The following COG6 variants were observed in gnomAD, a reference collection of about 807,000 sequenced individuals.
COG6 encodes the protein component of oligomeric golgi complex 6.
Under a neutral mutation model 88.8 loss-of-function variants are expected in COG6, and 74 were observed. The ratio of observed to expected loss-of-function variants is 0.83; its 90% CI spans 0.69 to 1.01. COG6 has a LOEUF of 1.01. COG6 is among the 50% of genes least tolerant of loss of function. The pLI is 0.00. For synonymous variants in COG6, 286 were observed against 278.7 expected (o/e 1.03, Z -0.26); for missense variants, 800 against 797.9 (o/e 1.00, Z -0.03).
intron 4 of COG6, among the ~76,000 whole-genome samples, chr13:39,677,143 A>G (rs1876020496): frequency 6.6e-6 from 1 of 152,200 alleles, no homozygotes; most frequent in South Asian, 2.1e-4. Context: ...GCATCTAGCA[A>G]ACTGCAAGGT....
At chr13:39,722,617 CA>C (rs67889057) in intron 15 of COG6, among the ~76,000 whole-genome samples, 48,381 of 105,758 alleles carry the variant, frequency 0.46, 8,048 homozygotes, top group Middle Eastern at 0.6. Context: ...TGTACTGGCA[CA>C]AAAAAAAAAA....
intron 14 of COG6, 39 bp from the exon 15 acceptor site, chr13:39,719,621 A>T (rs371806020): frequency 1.3e-4 from 200 of 1,571,840 alleles, no homozygotes; most frequent in Non-Finnish European, 1.7e-4. Flanking sequence ...CCTATCAGTG[A>T]TTGAGAAATA....
intron 13 of COG6, among the ~76,000 whole-genome samples, chr13:39,710,882 G>T (rs1878202443): frequency 6.6e-6 from 1 of 151,310 alleles, no homozygotes; most frequent in Non-Finnish European, 1.5e-5. Context: ...TTTGACGAAA[G>T]AAAAATTTTA....
chr13:39,699,639 TATTAA>T (rs1877466276), intron 13 of COG6, 21 bp downstream of exon 13: 1 of 1,029,252 alleles, frequency 9.7e-7, no homozygotes, highest in Non-Finnish European at 1.5e-6. Context: ...AAAATGTAAT[TATTAA>T]ATTATGTGAA....
chr13:39,681,060 A>G (rs1487824941), intron 7 of COG6, among the ~76,000 whole-genome samples: 1 of 152,228 alleles, frequency 6.6e-6, no homozygotes, highest in African/African-American at 2.4e-5. Context: ...TTGTTTGAAA[A>G]TGTTTCAATA....
At chr13:39,668,953 C>T (rs1405523246) in intron 4 of COG6, among the ~76,000 whole-genome samples, 1 of 152,084 alleles carries the variant, frequency 6.6e-6, no homozygotes, top group Non-Finnish European at 1.5e-5. Context: ...CAGTTTTACT[C>T]GTTGGTGTAT....
intron 13 of COG6, among the ~76,000 whole-genome samples, chr13:39,712,594 G>C (rs1438645568): frequency 6.6e-6 from 1 of 152,170 alleles, no homozygotes; most frequent in Non-Finnish European, 1.5e-5. Context: ...CCTGAAATAA[G>C]GAGTCTAATC....
chr13:39,705,735 A>G (rs1185065537), intron 13 of COG6, among the ~76,000 whole-genome samples: 2 of 152,102 alleles, frequency 1.3e-5, no homozygotes, highest in African/African-American at 4.8e-5. Flanking sequence ...ATCTCTTTTT[A>G]CTACTCATAG....
At chr13:39,762,488 T>C (rs1881047814) in intron 18 of COG6, among the ~76,000 whole-genome samples, 1 of 151,836 alleles carries the variant, frequency 6.6e-6, no homozygotes, top group Non-Finnish European at 1.5e-5. Flanking sequence ...AACAATCTAT[T>C]GTATATTTTC....
intron 18 of COG6, among the ~76,000 whole-genome samples, chr13:39,735,311 C>A (rs571491480): frequency 6.6e-6 from 1 of 152,068 alleles, no homozygotes; most frequent in Admixed American, 6.5e-5. Flanking sequence ...CAAATAATAT[C>A]TTATACTGCA....
chr13:39,679,073 A>G (rs1417887972), intron 5 of COG6, among the ~76,000 whole-genome samples: 1 of 152,114 alleles, frequency 6.6e-6, no homozygotes, highest in African/African-American at 2.4e-5. Flanking sequence ...GTCACCTCCT[A>G]TATATTTAAC....
intron 18 of COG6, among the ~76,000 whole-genome samples, chr13:39,781,179 A>T (rs1881618067): frequency 6.6e-6 from 1 of 152,160 alleles, no homozygotes; most frequent in South Asian, 2.1e-4. Flanking sequence ...GGGGACAAGG[A>T]TGCAGAGGGG....
Position 39,677,591 on chromosome 13 carries a change from T to C in COG6, c.540+12T>C. ...GACCCATTACTGAGGTATCCTGGCT[T>C]TCTGTTATAATCATTTAAAGTTTAG... On this transcript the variant is annotated intron_variant, in intron 5 of 18. Coordinates refer to ENST00000455146, the MANE Select transcript of COG6 (RefSeq NM_020751.3). 1 of 1,485,142 alleles carries C rather than the reference T, an allele frequency of 6.7e-7. No homozygotes were observed. Among genetic ancestry groups the C allele is most frequent in the Non-Finnish European group, 9.4e-7 (1 of 1,064,752 alleles). The allele number at this position is 1,485,142 out of a possible 1,614,324, so 92.0% of individuals were successfully genotyped here. A position where few individuals can be genotyped will look rare whatever the true frequency, so the allele number is the denominator to read the frequency against.
In COG6 at chr13:39,699,543, T is replaced by G; in HGVS notation, c.1209T>G (p.Ile403Met). 6.3e-7 allele frequency: 1 copy of G among 1,597,580 alleles called. No individual in the cohort carries two copies. Among genetic ancestry groups the G allele is most frequent in the Non-Finnish European group, 8.6e-7 (1 of 1,166,026 alleles). ...GTGCAACTGCATTATTGACTACCAT[T>G]GAAGAAATGCATTTGCTAAGCAAAA... is the stretch of plus-strand genomic sequence containing the variant. Reference protein sequence around the residue: ...GNSATALLTTIEEMHLLSKKI... With the variant: ...GNSATALLTTMEEMHLLSKKI... Residue 403 changes from isoleucine (I) to methionine (M), a missense_variant, in exon 13 of 19, where the codon ATT becomes ATG. By Grantham distance (10) the Ile-to-Met change is conservative. Transcript: ENST00000455146.
intron 18 of COG6, among the ~76,000 whole-genome samples, chr13:39,749,239 G>A (rs1260579060): frequency 2.0e-5 from 3 of 152,180 alleles, no homozygotes; most frequent in Non-Finnish European, 4.4e-5. Context: ...TAAGGAAAAA[G>A]TTCTTTTTCT....
At chr13:39,757,783 A>G (rs554353141) in intron 18 of COG6, among the ~76,000 whole-genome samples, 2 of 152,324 alleles carry the variant, frequency 1.3e-5, no homozygotes, top group South Asian at 2.1e-4. Flanking sequence ...AAAACTCCCA[A>G]CAAGAACAAA....
At chr13:39,752,862 T>G (rs956113901), downstream of COG6, among the ~76,000 whole-genome samples, 1 of 152,218 alleles carries the variant, frequency 6.6e-6, no homozygotes, top group Non-Finnish European at 1.5e-5. Flanking sequence ...ATAGTTTGCA[T>G]TTTGAACTAT....
chr13:39,685,491 A>G (rs1179434809), intron 8 of COG6, among the ~76,000 whole-genome samples: 1 of 152,160 alleles, frequency 6.6e-6, no homozygotes, highest in Non-Finnish European at 1.5e-5. Flanking sequence ...TTTACCCCCT[A>G]TTTAAAATAC....
intron 1 of COG6, among the ~76,000 whole-genome samples, chr13:39,657,112 A>G (rs1874562212): frequency 6.6e-6 from 1 of 152,068 alleles, no homozygotes; most frequent in African/African-American, 2.4e-5. Context: ...GCTCACTGCA[A>G]CCTCTGCCTC....
Sources: gnomAD v4.1 joint callset for allele counts (sites outside exome capture counted in the v4.1 genomes callset) on GRCh38, gnomAD v4.1.1 for gene constraint, MANE v1.5 for transcripts, NCBI Gene and HGNC (gene_info 2026-07-23, HGNC 2026-07-21) for gene names.